LARGE1: variants seen among roughly 807,000 people sequenced by gnomAD.
LARGE1 encodes LARGE xylosyl- and glucuronyltransferase 1, also known as xylosyl- and glucuronyltransferase LARGE1.
Under a neutral mutation model 87.6 loss-of-function variants are expected in LARGE1, and 43 were observed. That is an observed-to-expected ratio of 0.49 (90% confidence interval 0.38 to 0.63). The LOEUF is 0.63. Ranked by LOEUF, LARGE1 falls within the 30% of genes least tolerant of loss-of-function variation. The pLI, the probability that LARGE1 is intolerant of heterozygous loss-of-function variation, is 0.00. For synonymous variants in LARGE1, 434 were observed against 394.6 expected (o/e 1.10, Z -1.18); for missense variants, 802 against 1,000.2 (o/e 0.80, Z 2.67).
chr22:33,134,934 A>C, the LARGE1 span, among the ~76,000 whole-genome samples: 2 of 152,200 alleles, frequency 1.3e-5, no homozygotes, highest in Non-Finnish European at 1.5e-5. Flanking sequence ...GGGGCTGTGA[A>C]GCAGTTACCA....
At chr22:33,664,395 A>C (rs1481885016) in intron 2 of LARGE1, among the ~76,000 whole-genome samples, 1 of 152,190 alleles carries the variant, frequency 6.6e-6, no homozygotes, top group Non-Finnish European at 1.5e-5. Context: ...GTCATTAGCA[A>C]TGTATTGCAA....
At chr22:33,497,071 CTTTTT>C (rs5845088) in intron 6 of LARGE1, among the ~76,000 whole-genome samples, 1 of 133,960 alleles carries the variant, frequency 7.5e-6, no homozygotes, top group Non-Finnish European at 1.6e-5. Flanking sequence ...CTTTTCTTTT[CTTTTT>C]TTTTTTTTTT....
chr22:33,680,754 G>A (rs1175268198), intron 2 of LARGE1, among the ~76,000 whole-genome samples: 2 of 151,876 alleles, frequency 1.3e-5, no homozygotes, highest in Non-Finnish European at 1.5e-5. Context: ...CACAAGGCAA[G>A]TCATTATTTC....
At chr22:33,533,502 T>C (rs190917870) in intron 6 of LARGE1, among the ~76,000 whole-genome samples, 3 of 152,312 alleles carry the variant, frequency 2.0e-5, no homozygotes, top group East Asian at 1.9e-4. Flanking sequence ...ATGAGGCTAA[T>C]AGAAGCTGCA....
In LARGE1 at chr22:33,304,456, C is replaced by G. The variant is rs1323217190; in HGVS notation, c.1503G>C (p.Leu501=). 3.1e-6 allele frequency: 5 copies of G among 1,613,218 alleles called. No homozygotes were observed. Among genetic ancestry groups the G allele is most frequent in the Non-Finnish European group, 4.2e-6 (5 of 1,179,596 alleles). The change falls in exon 12 of 15, where the codon CTG becomes CTC. Residue 501 remains leucine, a synonymous_variant. Transcript: ENST00000397394. ...ICKHWEGPIS[L]ALYLSDAEAQ... is the part of the protein sequence containing the mutation. ...CCTCGGCGTCTGACAGGTAGAGGGC[C>G]AGGCTGATGGGCCCCTCCCAGTGCT...
chr22:33,273,758 TCA>T lies in LARGE1; in HGVS notation c.*667_*668del, dbSNP rs1248793088. The T allele has an allele frequency of 1.5e-5, 6 of 398,470 alleles. No homozygotes were observed. Among genetic ancestry groups the T allele is most frequent in the Non-Finnish European group, 2.6e-5 (6 of 226,920 alleles). 24.7% of individuals were successfully genotyped at this position (398,470 alleles called of 1,614,324 possible). On this transcript the variant is annotated 3_prime_UTR_variant, in exon 15 of 15. Coordinates refer to ENST00000397394, the MANE Select transcript of LARGE1 (RefSeq NM_133642.5). ...GATTTTCCTTTAGAGCCTCAAAGGATCAGATTTTCTATTTTGGATTGCCAGCC... is the reference window on the plus strand; with the variant it reads ...GATTTTCCTTTAGAGCCTCAAAGGATGATTTTCTATTTTGGATTGCCAGCC...
intron 3 of LARGE1, among the ~76,000 whole-genome samples, chr22:33,645,810 C>T (rs1162049716): frequency 6.6e-6 from 1 of 152,190 alleles, no homozygotes; most frequent in Non-Finnish European, 1.5e-5. Flanking sequence ...CAAAAGAAGA[C>T]ACTTATACGG....
At chr22:33,214,019 A>G (rs1229037360) in intron 11 of LARGE1, among the ~76,000 whole-genome samples, 1 of 152,158 alleles carries the variant, frequency 6.6e-6, no homozygotes, top group Non-Finnish European at 1.5e-5. Flanking sequence ...TAGTAGAGAC[A>G]GCGTTTCACC....
intron 5 of LARGE1, among the ~76,000 whole-genome samples, chr22:33,590,944 T>A (rs751143534): frequency 3.3e-5 from 5 of 152,230 alleles, no homozygotes; most frequent in Non-Finnish European, 7.3e-5. Context: ...GGCTCACACC[T>A]GTAATCCCAG....
chr22:33,574,386 T>G (rs2078290529), intron 5 of LARGE1, among the ~76,000 whole-genome samples: 1 of 152,202 alleles, frequency 6.6e-6, no homozygotes, highest in African/African-American at 2.4e-5. Context: ...TGTAAACAGT[T>G]GTTATACTGT....
intron 11 of LARGE1, among the ~76,000 whole-genome samples, chr22:33,223,016 C>G (rs1013423268): frequency 1.3e-5 from 2 of 152,152 alleles, no homozygotes; most frequent in African/African-American, 4.8e-5. Context: ...AGAGCCTGCC[C>G]CTATCAGGGG....
At chr22:33,846,208 G>C (rs1244753351) in intron 1 of LARGE1, among the ~76,000 whole-genome samples, 1 of 152,210 alleles carries the variant, frequency 6.6e-6, no homozygotes, top group East Asian at 1.9e-4. Flanking sequence ...AGCCATGGCA[G>C]AAGAATGTGG....
intron 6 of LARGE1, among the ~76,000 whole-genome samples, chr22:33,558,400 G>A (rs1206082884): frequency 6.6e-6 from 1 of 152,210 alleles, no homozygotes; most frequent in Non-Finnish European, 1.5e-5. Context: ...CAGGAGAGAG[G>A]AGGAAGGAAA....
intron 3 of LARGE1, among the ~76,000 whole-genome samples, chr22:33,641,284 G>A (rs1330396896): frequency 6.6e-6 from 1 of 152,190 alleles, no homozygotes; most frequent in African/African-American, 2.4e-5. Flanking sequence ...CCAAACTCCA[G>A]CAGACCTGCA....
rs543005218 is a variant in LARGE1 at position 33,916,421 on chromosome 22, T to C, written c.-83+3574A>G. On this transcript the variant is annotated intron_variant, in intron 1 of 14. Transcript: ENST00000397394. Reference sequence around the variant, plus strand: ...CCACAGGGTAGATGGTCTATTATTATTTGTTAAACGAAAAGATGAAAAGTC... The same window carrying C: ...CCACAGGGTAGATGGTCTATTATTACTTGTTAAACGAAAAGATGAAAAGTC... Among the ~76,000 whole-genome samples the C allele has an allele frequency of 2.0e-5, 3 of 152,352 alleles. 1 individual carries two copies. Among genetic ancestry groups the C allele is most frequent in the African/African-American group, 7.2e-5 (3 of 41,592 alleles).
chr22:33,468,379 A>G (rs1465916145), intron 6 of LARGE1, among the ~76,000 whole-genome samples: 1 of 152,144 alleles, frequency 6.6e-6, no homozygotes, highest in Non-Finnish European at 1.5e-5. Context: ...AGGCAGGAGG[A>G]TCACTTGAGT....
At chr22:33,824,558 G>A (rs2062727550) in intron 1 of LARGE1, among the ~76,000 whole-genome samples, 1 of 152,102 alleles carries the variant, frequency 6.6e-6, no homozygotes, top group Non-Finnish European at 1.5e-5. Context: ...TGGGGACACA[G>A]AGCCAAACCA....
chr22:33,879,863 A>C (rs1253648156), intron 1 of LARGE1, among the ~76,000 whole-genome samples: 1 of 152,242 alleles, frequency 6.6e-6, no homozygotes, highest in Non-Finnish European at 1.5e-5. Flanking sequence ...TATCAGGTAC[A>C]TGGGAATTAC....
At chr22:33,663,704 G>A (rs1418700256) in intron 2 of LARGE1, among the ~76,000 whole-genome samples, 2 of 152,138 alleles carry the variant, frequency 1.3e-5, no homozygotes. Flanking sequence ...GAAATTGCTG[G>A]TGAAATCTAC....
Sources: allele counts gnomAD v4.1 joint callset (sites outside exome capture counted in the v4.1 genomes callset), GRCh38; gene constraint gnomAD v4.1.1; transcripts MANE v1.5; gene names NCBI Gene and HGNC (gene_info 2026-07-23, HGNC 2026-07-21).